MAP3K6: variants seen among roughly 807,000 people sequenced by gnomAD.
MAP3K6 encodes mitogen-activated protein kinase kinase kinase 6, also known as apoptosis signal-regulating kinase 2.
A neutral mutation model predicts 147.1 loss-of-function variants in MAP3K6; 105 were observed. The ratio of observed to expected loss-of-function variants is 0.71; its 90% CI spans 0.61 to 0.84. The LOEUF is 0.84. Among genes scored for constraint, MAP3K6 ranks in the 40% least tolerant of loss-of-function variants. The pLI is 0.00. For synonymous variants in MAP3K6, 695 were observed against 732.4 expected (o/e 0.95, Z 0.82); for missense variants, 1,569 against 1,715.0 (o/e 0.91, Z 1.50).
At chr1:27,361,049 G>T (rs770105877) in intron 13 of MAP3K6, 41 bp from the exon 14 acceptor site, 6 of 1,538,420 alleles carry the variant, frequency 3.9e-6, no homozygotes, top group Non-Finnish European at 5.3e-6. Context: ...GGGGCATCTT[G>T]GTCCCCACCT....
Position 27,364,034 on chromosome 1 carries a change from C to T in MAP3K6, c.747G>A (p.Arg249=), listed in dbSNP as rs140844088. 37 of 1,612,688 alleles carry T rather than the reference C, an allele frequency of 2.3e-5. No individual in the cohort carries two copies. The East Asian group carries it at 6.0e-4, about 26-fold the overall frequency. Reference sequence around the variant, plus strand: ...CCTGCCGCAGCTGTGGCCCACTGAACCGCTCCCGCGCCTGCCGGATGTCCC... The same window carrying T: ...CCTGCCGCAGCTGTGGCCCACTGAATCGCTCCCGCGCCTGCCGGATGTCCC... ...IRRDIRQARE[R]FSGPQLRQEL... is the part of the protein sequence containing the mutation. The change falls in exon 5 of 29, where the codon CGG becomes CGA. Residue 249 remains arginine, a synonymous_variant. Transcript: ENST00000357582. The surrounding 1 kb of genome is among the most constrained non-coding windows in gnomAD (Gnocchi z 4.4).
rs116974564 is a variant in MAP3K6 at position 27,364,589 on chromosome 1, G to T, written c.504+72C>A. On this transcript the variant is annotated intron_variant, in intron 3 of 28. Transcript: ENST00000357582. This position sits in a 1 kb window ranked among gnomAD's most constrained non-coding sequence, Gnocchi z 4.4. ...GGGTTAGGTGACTGAGGAGGCCAGG[G>T]GGATTAGTGGAGGTCAGAGGTCATA... The T allele has an allele frequency of 1.2e-6, 2 of 1,606,490 alleles. No individual in the cohort carries two copies. The highest frequency in any genetic ancestry group is 1.7e-6 in the Non-Finnish European group (2 of 1,173,276).
In MAP3K6 at chr1:27,357,541, CA is replaced by C; in HGVS notation, c.3116del (p.Leu1039ArgfsTer28). 1 of 1,612,960 alleles carries C rather than the reference CA, an allele frequency of 6.2e-7. No homozygotes were observed. Among genetic ancestry groups the C allele is most frequent in the Non-Finnish European group, 8.5e-7 (1 of 1,179,590 alleles). On this transcript the variant is annotated frameshift_variant, in exon 23 of 29. Coordinates refer to ENST00000357582, the MANE Select transcript of MAP3K6 (RefSeq NM_004672.5). LOFTEE classifies it high-confidence loss of function. ...ARLGRNHVEE[L>X]LRCLGAHIHT... Reference sequence around the variant, plus strand: ...GGATGTGTGCCCCGAGGCAGCGCAGCAGCTCTTCCACATGGTTTCTGCCCAG... The same window carrying C: ...GGATGTGTGCCCCGAGGCAGCGCAGCGCTCTTCCACATGGTTTCTGCCCAG...
rs760831919 is a variant in MAP3K6, at chr1:27,360,800, C to T, written c.1959G>A (p.Val653=). ...CCACCCCATACGTGCCCTTGCCCAG[C>T]ACCAGCCGCTCGCCCGTCTCCGTGT... is the stretch of plus-strand genomic sequence containing the variant. ...YEYTETGERL[V]LGKGTYGVVY... Residue 653 remains valine (V), a synonymous_variant, in exon 15 of 29, where the codon GTG becomes GTA. Coordinates refer to ENST00000357582, the MANE Select transcript of MAP3K6 (RefSeq NM_004672.5). The surrounding 1 kb of genome is among the most constrained non-coding windows in gnomAD (Gnocchi z 4.5). The T allele has an allele frequency of 3.1e-6, 5 of 1,612,802 alleles. No individual in the cohort carries two copies. The South Asian group carries it at 5.5e-5, about 18-fold the overall frequency.
intron 28 of MAP3K6, 35 bp from the exon 29 acceptor site, chr1:27,355,504 A>T (rs762759891): frequency 1.9e-6 from 3 of 1,609,682 alleles, no homozygotes; most frequent in Middle Eastern, 1.7e-4. Context: ...CTCAGCCAGA[A>T]GGTGGCCCTG....
rs1323490902 is a variant in MAP3K6 at position 27,360,729 on chromosome 1, T to C, written c.2030A>G (p.Lys677Arg). Residue 677 changes from lysine (K) to arginine (R), a missense_variant, in exon 15 of 29, where the codon AAG (lysine) becomes AGG (arginine). Coordinates refer to ENST00000357582, the MANE Select transcript of MAP3K6 (RefSeq NM_004672.5). This position sits in a 1 kb window ranked among gnomAD's most constrained non-coding sequence, Gnocchi z 4.5. ...CCTGCTGTCCCGCTCCGGGATCTCC[T>C]TGATGGCGATGCGCACCCTCGTGTG... ...DRHTRVRIAI[K>R]EIPERDSRFS... The C allele has an allele frequency of 1.2e-6, 2 of 1,612,332 alleles. No homozygotes were observed. The highest frequency in any genetic ancestry group is 1.7e-6 in the Non-Finnish European group (2 of 1,179,788).
chr1:27,359,696 A>T lies in MAP3K6; in HGVS notation c.2319+162T>A. On this transcript the variant is annotated intron_variant, in intron 17 of 28. Coordinates refer to ENST00000357582, the MANE Select transcript of MAP3K6 (RefSeq NM_004672.5). This position sits in a 1 kb window ranked among gnomAD's most constrained non-coding sequence, Gnocchi z 4.4. ...GAGCTGACAATTGGTTTGGCTTCAG[A>T]GCTGAACCTTTCCCCTCCTTCTCTA... 1 of 868,402 alleles carries T rather than the reference A, an allele frequency of 1.2e-6. No individual in the cohort carries two copies. Among genetic ancestry groups the T allele is most frequent in the Non-Finnish European group, 1.4e-6 (1 of 723,586 alleles). 53.8% of individuals were successfully genotyped at this position (868,402 alleles called of 1,614,324 possible). A position where few individuals can be genotyped will look rare whatever the true frequency, so the allele number is the denominator to read the frequency against.
At chr1:27,363,863 G>A (rs538869860) in intron 5 of MAP3K6, 54 bp downstream of exon 5, 6 of 1,476,676 alleles carry the variant, frequency 4.1e-6, no homozygotes, top group Non-Finnish European at 5.4e-6. Flanking sequence ...CTGAACTTGG[G>A]TTTGTCTGAC....
chr1:27,357,668 G>T, intron 22 of MAP3K6, 43 bp downstream of exon 22: 1 of 1,602,334 alleles, frequency 6.2e-7, no homozygotes. Context: ...CAGGTGTCCT[G>T]ACCCTTTGCG....
At position 27,356,411 on chromosome 1, in the gene MAP3K6, T is replaced by C; in HGVS notation, c.3614A>G (p.Tyr1205Cys). ...LQRLNEEART[Y>C]VLAPEPPTAL... ...ACTTGGAGGCTCTGGGGCCAGGACA[T>C]AGGTCCGGGCTTCCTCATTCAGCCG... Residue 1205 changes from tyrosine to cysteine, a missense_variant, in exon 26 of 29, where the codon TAT becomes TGT. Physicochemically the swap from Tyr to Cys is radical, Grantham distance 194. Transcript: ENST00000357582. 1 of 1,612,192 alleles carries C rather than the reference T, an allele frequency of 6.2e-7. No homozygotes were observed. Among genetic ancestry groups the C allele is most frequent in the Non-Finnish European group, 8.5e-7 (1 of 1,179,310 alleles).
chr1:27,355,833 G>T, intron 27 of MAP3K6, 88 bp from the exon 28 acceptor site: 1 of 1,330,150 alleles, frequency 7.5e-7, no homozygotes, highest in Non-Finnish European at 1.1e-6. Context: ...CTGCTCTGTT[G>T]CCAAAATAAT....
chr1:27,356,591 G>T lies in MAP3K6; in HGVS notation c.3523C>A (p.Arg1175=), dbSNP rs755632728. ...ATGAGCGATTCCAAGGGGCTTTACC[G>T]ATCAGTCTCTGCCCTCAAGAGGCTC... ...QLSLLRAETD[R]LREILAGKER... is the part of the protein sequence containing the mutation. Residue 1175 remains arginine (R), a splice_region_variant and synonymous_variant, in exon 25 of 29, where the codon CGG becomes AGG. Transcript: ENST00000357582. The T allele has an allele frequency of 1.9e-6, 3 of 1,612,296 alleles. No homozygotes were observed. The highest frequency in any genetic ancestry group is 2.2e-5 in the South Asian group (2 of 90,856).
chr1:27,359,473 T>C lies in MAP3K6; in HGVS notation c.2369A>G (p.Asp790Gly), dbSNP rs199773217. Residue 790 changes from aspartate to glycine, a missense_variant, in exon 18 of 29, where the codon GAC (aspartate) becomes GGC (glycine). By Grantham distance (94) the Asp-to-Gly change is moderately conservative. Transcript: ENST00000357582. This position sits in a 1 kb window ranked among gnomAD's most constrained non-coding sequence, Gnocchi z 4.4. ...TGCCAGCCGCTTGGAGGTGCCGAAG[T>C]CAGAAATCTTGAGCAGCCCACTGAA... ...NTFSGLLKIS[D>G]FGTSKRLAGI... The C allele has an allele frequency of 1.9e-6, 3 of 1,614,106 alleles. No individual in the cohort carries two copies. In the African/African-American group the frequency reaches 4.0e-5, roughly 22 times the overall value.
At position 27,360,189 on chromosome 1, in the gene MAP3K6, G is replaced by A. The variant is rs550688045; in HGVS notation, c.2182+52C>T. 5 of 1,605,168 alleles carry A rather than the reference G, an allele frequency of 3.1e-6. No individual in the cohort carries two copies. The highest frequency in any genetic ancestry group is 1.7e-4 in the Middle Eastern group (1 of 5,846). ...AGGGCTCTCTACCCCTGCCTGCCTC[G>A]GTCCCATGCTTCACACCTCGGTTTC... is the stretch of plus-strand genomic sequence containing the variant. On this transcript the variant is annotated intron_variant, in intron 16 of 28. Coordinates refer to ENST00000357582, the MANE Select transcript of MAP3K6 (RefSeq NM_004672.5). This position sits in a 1 kb window ranked among gnomAD's most constrained non-coding sequence, Gnocchi z 4.5.
At position 27,359,273 on chromosome 1, in the gene MAP3K6, C is replaced by G; in HGVS notation, c.2425+144G>C. On this transcript the variant is annotated intron_variant, in intron 18 of 28. Transcript: ENST00000357582. The surrounding 1 kb of genome is among the most constrained non-coding windows in gnomAD (Gnocchi z 4.4). ...CCAGTTCCAGATGCCACCACCTCAG[C>G]CCTGGCCCAATCACTCACCCTGGGT... is the stretch of plus-strand genomic sequence containing the variant. 9.1e-6 allele frequency: 11 copies of G among 1,202,318 alleles called. No homozygotes were observed. The highest frequency in any genetic ancestry group is 1.2e-5 in the Non-Finnish European group (10 of 852,668). The allele number at this position is 1,202,318 out of a possible 1,614,324, so 74.5% of individuals were successfully genotyped here. A position where few individuals can be genotyped will look rare whatever the true frequency, so the allele number is the denominator to read the frequency against.
At position 27,364,927 on chromosome 1, in the gene MAP3K6, G is replaced by A. The variant is rs372479020; in HGVS notation, c.341-15C>T. 56 of 1,567,988 alleles carry A rather than the reference G, an allele frequency of 3.6e-5. No homozygotes were observed. The highest frequency in any genetic ancestry group is 1.6e-4 in the Admixed American group (9 of 56,426). ...CACCACCACATCTGCAGGCACAGAG[G>A]GGGTGGCGCTGATCCCTGAAGCCCA... On this transcript the variant is annotated splice_polypyrimidine_tract_variant and intron_variant, in intron 1 of 28. Transcript: ENST00000357582. This position sits in a 1 kb window ranked among gnomAD's most constrained non-coding sequence, Gnocchi z 4.4.
Position 27,357,405 on chromosome 1 carries a change from C to G in MAP3K6, c.3253G>C (p.Asp1085His), listed in dbSNP as rs1450611756. ...CTACCAGAAGGCGCCCTCACCGCATCCGGGAAGGCAAACAGCGGTCTGTGC... is the reference window on the plus strand; with the variant it reads ...CTACCAGAAGGCGCCCTCACCGCATGCGGGAAGGCAAACAGCGGTCTGTGC... ...LLHRPLFAFP[D>H]AVKQILRKRQ... The change falls in exon 23 of 29, where the codon GAT becomes CAT. Residue 1085 changes from aspartate (D) to histidine (H), a missense_variant. By Grantham distance (81) the Asp-to-His change is moderately conservative (BLOSUM62 -1). Transcript: ENST00000357582. 2 of 1,589,766 alleles carry G rather than the reference C, an allele frequency of 1.3e-6. No homozygotes were observed. The highest frequency in any genetic ancestry group is 2.7e-5 in the African/African-American group (2 of 74,034).
chr1:27,361,710 A>T lies in MAP3K6; in HGVS notation c.1573T>A (p.Cys525Ser). The change falls in exon 10 of 29, where the codon TGC (cysteine) becomes AGC (serine). Residue 525 changes from cysteine (C) to serine (S), a missense_variant. Cys to Ser is a moderately radical substitution (Grantham distance 112). Transcript: ENST00000357582. ...FKTACAQGDQ[C>S]LVLVLEMNKV... ...ACCACCCCTACAGGCCTCACCAAGCACTGGTCGCCCTGGGCACAGGCTGTC... is the reference window on the plus strand; with the variant it reads ...ACCACCCCTACAGGCCTCACCAAGCTCTGGTCGCCCTGGGCACAGGCTGTC... The T allele has an allele frequency of 6.2e-6, 10 of 1,613,544 alleles. No individual in the cohort carries two copies. The highest frequency in any genetic ancestry group is 8.5e-6 in the Non-Finnish European group (10 of 1,179,652).
chr1:27,355,469 C>T lies in MAP3K6; in HGVS notation c.3789G>A (p.Arg1263=). The part of the protein sequence containing the change: ...TRDDLIYTRI[R]GGMVCRIWRA... ...TCCAGATGCGGCATACCATCCCTCC[C>T]CTGGGGGTAATGGACTCAGTGTGGC... Residue 1263 remains arginine (R), a splice_region_variant and synonymous_variant, in exon 29 of 29, where the codon AGG becomes AGA. Coordinates refer to ENST00000357582, the MANE Select transcript of MAP3K6 (RefSeq NM_004672.5). The T allele has an allele frequency of 3.1e-6, 5 of 1,614,104 alleles. No homozygotes were observed. Among genetic ancestry groups the T allele is most frequent in the Non-Finnish European group, 4.2e-6 (5 of 1,179,976 alleles).
Sources: allele counts gnomAD v4.1 joint callset, GRCh38; gene constraint gnomAD v4.1.1; non-coding constraint Gnocchi (gnomAD v3.1); transcripts MANE v1.5; gene names NCBI Gene and HGNC (gene_info 2026-07-23, HGNC 2026-07-21).